Variants in CERS5 observed in about 807,000 individuals in gnomAD.
CERS5 encodes the protein ceramide synthase 5.
A neutral mutation model predicts 58.9 loss-of-function variants in CERS5; 37 were observed. The observed-to-expected ratio is 0.63, with a 90% CI of 0.48 to 0.83. The LOEUF (loss-of-function observed/expected upper bound fraction) is 0.83. Ranked by LOEUF, CERS5 falls within the 40% of genes least tolerant of loss-of-function variation. The probability of loss-of-function intolerance (pLI) is 0.00; values close to 1 mark genes in which losing one functional copy is unlikely to be tolerated. For missense variants in CERS5, 398 were observed against 489.3 expected, an observed-to-expected ratio of 0.81 and a Z score of 1.76; for synonymous variants, 147 against 177.8, an observed-to-expected ratio of 0.83 and a Z score of 1.38.
At chr12:50,160,317 AAG>A (rs1491057098) in intron 1 of CERS5, among the ~76,000 whole-genome samples, 2 of 151,468 alleles carry the variant, frequency 1.3e-5, no homozygotes, top group African/African-American at 4.9e-5. Flanking sequence ...AAAAAAAAAA[AAG>A]AAAAAAAAAA....
intron 1 of CERS5, among the ~76,000 whole-genome samples, chr12:50,164,827 G>T (rs1323375338): frequency 1.3e-5 from 2 of 152,148 alleles, no homozygotes; most frequent in Non-Finnish European, 2.9e-5. Flanking sequence ...TATATAAAAT[G>T]GGTGTTTATA....
chr12:50,148,946 A>ATATG (rs1420401358), intron 1 of CERS5, among the ~76,000 whole-genome samples: 20 of 103,126 alleles, frequency 1.9e-4, no homozygotes, highest in African/African-American at 7.7e-4. Flanking sequence ...ATATATATAT[A>ATATG]TGTGTGTGTG....
intron 1 of CERS5, 50 bp from the exon 2 acceptor site, chr12:50,144,107 T>C (rs1395537219): frequency 6.0e-6 from 6 of 997,254 alleles, no homozygotes; most frequent in Non-Finnish European, 8.0e-6. Flanking sequence ...AAATTTTATT[T>C]ATAGTTGACA....
intron 1 of CERS5, among the ~76,000 whole-genome samples, chr12:50,162,087 G>A (rs1353363664): frequency 6.6e-6 from 1 of 151,342 alleles, no homozygotes; most frequent in East Asian, 1.9e-4. Context: ...TGTTGGCGAG[G>A]CCGGTCTCGA....
intron 1 of CERS5, chr12:50,165,991 T>G: frequency 2.2e-6 from 1 of 453,122 alleles, no homozygotes; most frequent in Non-Finnish European, 4.4e-6. Context: ...ATCATGTGGT[T>G]GAACAAAGTA....
intron 1 of CERS5, among the ~76,000 whole-genome samples, chr12:50,159,224 G>A (rs1420328678): frequency 1.3e-5 from 2 of 152,112 alleles, no homozygotes; most frequent in African/African-American, 4.8e-5. Flanking sequence ...AGGAGGCTGA[G>A]GCAGGAGAAT....
At chr12:50,135,871 GAA>G in intron 7 of CERS5, 33 bp from the exon 8 acceptor site, 1 of 1,600,220 alleles carries the variant, frequency 6.2e-7, no homozygotes, top group Non-Finnish European at 8.5e-7. Flanking sequence ...GAGCTGGGGA[GAA>G]AGTCATTCCT....
chr12:50,166,965 C>A (rs1939970345), intron 1 of CERS5, 136 bp downstream of exon 1: 2 of 721,440 alleles, frequency 2.8e-6, no homozygotes, highest in East Asian at 3.0e-5. Context: ...CTAGCATCAC[C>A]CGCCGCGGCC....
At chr12:50,142,713 C>T (rs1374712590) in intron 3 of CERS5, among the ~76,000 whole-genome samples, 4 of 152,046 alleles carry the variant, frequency 2.6e-5, no homozygotes, top group African/African-American at 7.2e-5. Flanking sequence ...TAGTATTTCC[C>T]AGAAAAGGAA....
chr12:50,132,061 C>A (rs183683224), intron 9 of CERS5, among the ~76,000 whole-genome samples: 5 of 151,360 alleles, frequency 3.3e-5, no homozygotes, highest in African/African-American at 1.2e-4. Flanking sequence ...GCCATGATTG[C>A]GCCACTGTAC....
At position 50,167,165 on chromosome 12, in the gene CERS5, G is replaced by A. The variant is rs907607622; in HGVS notation, c.133C>T (p.Arg45Trp). The A allele has an allele frequency of 3.1e-6, 5 of 1,598,892 alleles. No individual in the cohort carries two copies. In the African/African-American group the frequency reaches 4.1e-5, roughly 13 times the overall value. The change falls in exon 1 of 10, where the codon CGG becomes TGG. Residue 45 changes from arginine to tryptophan, a missense_variant. Arg to Trp is a moderately radical substitution (Grantham distance 101). Transcript: ENST00000317551. ...PADGYGYPRG[R>W]HILSVFPLAA... ...AGCGGGAACACCGAGAGGATGTGCCGGCCGCGGGGGTAACCGTAGCCGTCG... is the reference window on the plus strand; with the variant it reads ...AGCGGGAACACCGAGAGGATGTGCCAGCCGCGGGGGTAACCGTAGCCGTCG...
At chr12:50,166,800 G>A (rs1414179908) in intron 1 of CERS5, among the ~76,000 whole-genome samples, 2 of 152,098 alleles carry the variant, frequency 1.3e-5, no homozygotes, top group African/African-American at 4.8e-5. Flanking sequence ...CTCATCTGTA[G>A]GACCCTTGGA....
At chr12:50,130,849 T>A (rs1951278738) in intron 9 of CERS5, among the ~76,000 whole-genome samples, 155 bp from the exon 10 acceptor site, 1 of 152,348 alleles carries the variant, frequency 6.6e-6, no homozygotes, top group East Asian at 1.9e-4. Context: ...GCTACTGTTG[T>A]GACTATGCTT....
In CERS5 at chr12:50,148,779, C is replaced by A. The variant is rs79602111; in HGVS notation, c.198-4722G>T. Among the ~76,000 whole-genome samples the A allele has an allele frequency of 6.3e-4, 96 of 151,224 alleles. 1 individual carries two copies. The East Asian group carries it at 0.016, about 26-fold the overall frequency. The stretch of plus-strand genomic sequence containing the variant: ...AATTAGCCGGGCATGGTCGTGCACA[C>A]CTGTATTCCCAACTACTCAGGTGGC... On this transcript the variant is annotated intron_variant, in intron 1 of 9. Transcript: ENST00000317551.
At chr12:50,135,412 A>C (rs1565769774) in intron 8 of CERS5, 2 of 540,642 alleles carry the variant, frequency 3.7e-6, no homozygotes, top group Non-Finnish European at 7.0e-6. Flanking sequence ...TCAACAGTGC[A>C]AAAGAAGTCA....
chr12:50,135,345 G>A, intron 8 of CERS5: 2 of 368,650 alleles, frequency 5.4e-6, no homozygotes, highest in Admixed American at 3.5e-5. Flanking sequence ...GTGTGTGTGT[G>A]TGTGTCAGGG....
chr12:50,164,225 G>T (rs1939623853), intron 1 of CERS5, among the ~76,000 whole-genome samples: 1 of 151,784 alleles, frequency 6.6e-6, no homozygotes. Flanking sequence ...CTCCCAAAGT[G>T]CTGGGATTAC....
rs377195527 is a variant in CERS5, at chr12:50,134,305, G to A, written c.1029+241C>T. On this transcript the variant is annotated intron_variant, in intron 9 of 9. Transcript: ENST00000317551. ...GCAGTGGGAGAATCCAAGCCCAGGT[G>A]TGAGGCTGCAGTAAGCTATGATCAT... 15 of 986,080 alleles carry A rather than the reference G, an allele frequency of 1.5e-5. No homozygotes were observed. In the African/African-American group the frequency reaches 2.3e-4, roughly 15 times the overall value. 61.1% of individuals were successfully genotyped at this position (986,080 alleles called of 1,614,324 possible).
At chr12:50,140,491 C>G (rs1161273614) in intron 4 of CERS5, among the ~76,000 whole-genome samples, 1 of 151,870 alleles carries the variant, frequency 6.6e-6, no homozygotes, top group Non-Finnish European at 1.5e-5. Flanking sequence ...TGCCCTGTTG[C>G]CCAGGCTGGT....
Sources: gnomAD v4.1 joint callset for allele counts (sites outside exome capture counted in the v4.1 genomes callset) on GRCh38, gnomAD v4.1.1 for gene constraint, MANE v1.5 for transcripts, NCBI Gene and HGNC (gene_info 2026-07-23, HGNC 2026-07-21) for gene names.